OXR1: variants seen among roughly 807,000 people sequenced by gnomAD.
OXR1 encodes the protein oxidation resistance protein 1.
Under a neutral mutation model 104.6 loss-of-function variants are expected in OXR1, and 41 were observed. That is an observed-to-expected ratio of 0.39 (90% CI 0.31 to 0.51). The LOEUF is 0.51. OXR1 is among the 20% of genes least tolerant of loss of function. OXR1 has a pLI of 0.77. For missense variants in OXR1, 955 were observed against 1,031.9 expected (o/e 0.93, Z 1.02); for synonymous variants, 348 against 348.4 (o/e 1.00, Z 0.01).
intron 2 of OXR1, among the ~76,000 whole-genome samples, chr8:106,503,025 C>A (rs1811912388): frequency 6.6e-6 from 1 of 152,112 alleles, no homozygotes; most frequent in Non-Finnish European, 1.5e-5. Flanking sequence ...TAAATCCATC[C>A]TTTTTATGCC....
intron 2 of OXR1, among the ~76,000 whole-genome samples, chr8:106,461,085 TC>T (rs1250449761): frequency 6.6e-6 from 1 of 152,100 alleles, no homozygotes; most frequent in Non-Finnish European, 1.5e-5. Flanking sequence ...ATCTGTTTAT[TC>T]AAGAGCAGTT....
intron 3 of OXR1, among the ~76,000 whole-genome samples, chr8:106,523,369 G>T (rs1391213690): frequency 6.6e-6 from 1 of 151,958 alleles, no homozygotes; most frequent in Non-Finnish European, 1.5e-5. Context: ...CACCAGAGGG[G>T]TGGGAGATCT....
chr8:106,407,704 C>T (rs767288756), intron 2 of OXR1, among the ~76,000 whole-genome samples: 2 of 152,144 alleles, frequency 1.3e-5, no homozygotes, highest in Non-Finnish European at 2.9e-5. Flanking sequence ...GGAGAGCATG[C>T]CACAGCAACT....
chr8:106,449,149 T>C (rs1820172851), intron 2 of OXR1, among the ~76,000 whole-genome samples: 1 of 152,118 alleles, frequency 6.6e-6, no homozygotes, highest in African/African-American at 2.4e-5. Context: ...TTTGCCTGAC[T>C]TATATTTTAG....
intron 1 of OXR1, among the ~76,000 whole-genome samples, chr8:106,333,178 C>A (rs1170653871): frequency 6.6e-6 from 1 of 152,048 alleles, no homozygotes; most frequent in South Asian, 2.1e-4. Flanking sequence ...ATTACTGGAT[C>A]ATATGATAAC....
chr8:106,686,238 G>A (rs531805570), intron 6 of OXR1, among the ~76,000 whole-genome samples: 38 of 149,900 alleles, frequency 2.5e-4, no homozygotes, highest in Middle Eastern at 3.4e-3. Context: ...ACTTACTCCT[G>A]TAACCAGACA....
chr8:106,740,551 T>C, intron 14 of OXR1, 56 bp downstream of exon 14: 1 of 1,358,416 alleles, frequency 7.4e-7, no homozygotes, highest in Non-Finnish European at 1.0e-6. Context: ...AACAGTAACT[T>C]TTAGCATATT....
intron 11 of OXR1, among the ~76,000 whole-genome samples, chr8:106,726,918 A>G (rs1416607489): frequency 6.6e-6 from 1 of 152,248 alleles, no homozygotes; most frequent in South Asian, 2.1e-4. Flanking sequence ...TTCTGTGGTA[A>G]TTTGGGATTA....
Position 106,648,999 on chromosome 8 carries a change from G to A in OXR1, c.221-30211G>A, listed in dbSNP as rs559972322. On this transcript the variant is annotated intron_variant, in intron 3 of 16. Transcript: ENST00000517566. The stretch of plus-strand genomic sequence containing the variant: ...GCATGCAGATCGTTTGAGCCCAGGA[G>A]TTGAAGAACAGGCTGGGCAACATGG... 4.6e-5 allele frequency among the ~76,000 whole-genome samples: 7 copies of A among 152,290 alleles called. No homozygotes were observed. The South Asian group carries it at 1.5e-3, about 32-fold the overall frequency.
chr8:106,515,411 T>C (rs1812796135), intron 2 of OXR1, among the ~76,000 whole-genome samples: 1 of 152,122 alleles, frequency 6.6e-6, no homozygotes, highest in Non-Finnish European at 1.5e-5. Flanking sequence ...CTTGAACTTA[T>C]TTCTCCTGAT....
intron 3 of OXR1, among the ~76,000 whole-genome samples, chr8:106,637,822 C>T (rs1478999681): frequency 1.4e-5 from 2 of 145,958 alleles, no homozygotes; most frequent in Non-Finnish European, 3.0e-5. Flanking sequence ...AGTGCTGTGG[C>T]GCGATCTCGG....
intron 2 of OXR1, among the ~76,000 whole-genome samples, chr8:106,379,537 CTTTTTTTT>C (rs60855438): frequency 9.2e-6 from 1 of 108,400 alleles, no homozygotes; most frequent in African/African-American, 3.7e-5. Flanking sequence ...TTCTTTCTTT[CTTTTTTTT>C]TTTTTTTTTT....
chr8:106,303,462 T>C (rs1813346945), intron 1 of OXR1, among the ~76,000 whole-genome samples: 1 of 151,476 alleles, frequency 6.6e-6, no homozygotes, highest in South Asian at 2.1e-4. Flanking sequence ...ATGATCTTGG[T>C]CTCCTGACCT....
intron 11 of OXR1, chr8:106,726,028 T>G (rs940770605): frequency 5.2e-6 from 3 of 581,838 alleles, no homozygotes; most frequent in Admixed American, 7.7e-5. Context: ...CTCTCTTCCC[T>G]CCCCAGCTTT....
At chr8:106,275,325 C>T (rs1187732838) in intron 1 of OXR1, among the ~76,000 whole-genome samples, 3 of 152,190 alleles carry the variant, frequency 2.0e-5, no homozygotes, top group Non-Finnish European at 2.9e-5. Context: ...GAGGTGGTTT[C>T]CTTCCCTGCA....
chr8:106,408,509 G>A (rs950578390), intron 2 of OXR1, among the ~76,000 whole-genome samples: 1 of 152,158 alleles, frequency 6.6e-6, no homozygotes, highest in Non-Finnish European at 1.5e-5. Context: ...ATAAGGGATG[G>A]CTGTATTACT....
chr8:106,430,217 A>G (rs1819305018), intron 2 of OXR1, among the ~76,000 whole-genome samples: 1 of 152,208 alleles, frequency 6.6e-6, no homozygotes, highest in Non-Finnish European at 1.5e-5. Flanking sequence ...ATGTAAACCA[A>G]TGGGCCAACT....
intron 3 of OXR1, among the ~76,000 whole-genome samples, chr8:106,530,053 G>A (rs940874985): frequency 6.6e-6 from 1 of 151,948 alleles, no homozygotes; most frequent in African/African-American, 2.4e-5. Flanking sequence ...AATGGTGAGG[G>A]GAAGAAAATG....
At chr8:106,612,289 T>A (rs1381380627) in intron 3 of OXR1, among the ~76,000 whole-genome samples, 1 of 152,162 alleles carries the variant, frequency 6.6e-6, no homozygotes, top group African/African-American at 2.4e-5. Context: ...TGAAATAGTA[T>A]ATATAAGGCA....
Sources: gnomAD v4.1 joint callset for allele counts (sites outside exome capture counted in the v4.1 genomes callset) on GRCh38, gnomAD v4.1.1 for gene constraint, MANE v1.5 for transcripts, NCBI Gene and HGNC (gene_info 2026-07-23, HGNC 2026-07-21) for gene names.